Variants in EFCAB6 observed in about 807,000 individuals in gnomAD.
The protein encoded by EFCAB6 is EF-hand calcium-binding domain-containing protein 6.
A neutral mutation model predicts 169.8 loss-of-function variants in EFCAB6; 156 were observed. The observed-to-expected ratio is 0.92, with a 90% CI of 0.81 to 1.05. The LOEUF (loss-of-function observed/expected upper bound fraction) is 1.05, where lower values mean the gene tolerates loss of function less well. Ranked by LOEUF, EFCAB6 falls within the 50% of genes least tolerant of loss-of-function variation. The pLI is 0.00. For synonymous variants in EFCAB6, 698 were observed against 676.4 expected (o/e 1.03, Z -0.50); for missense variants, 1,800 against 1,829.1 (o/e 0.98, Z 0.29).
At chr22:43,794,151 G>A (rs1365640819) in intron 2 of EFCAB6, among the ~76,000 whole-genome samples, 1 of 152,092 alleles carries the variant, frequency 6.6e-6, no homozygotes, top group East Asian at 1.9e-4. Context: ...ATAAGTATGA[G>A]TTTATAGGTT....
rs751278176 is a variant in EFCAB6, at chr22:43,755,851, AT to A, written c.441-20del. 1.3e-5 allele frequency: 20 copies of A among 1,568,278 alleles called. No homozygotes were observed. Among genetic ancestry groups the A allele is most frequent in the Non-Finnish European group, 1.5e-5 (17 of 1,159,194 alleles). ...ACCTCCCCTTAGAAATAAAAAAAAA[AT>A]CTTTATTAAAACATTTTAACCAAAT... On this transcript the variant is annotated intron_variant, in intron 5 of 31. Transcript: ENST00000262726.
chr22:43,581,751 GA>G (rs2050741870), intron 24 of EFCAB6, among the ~76,000 whole-genome samples: 1 of 152,190 alleles, frequency 6.6e-6, no homozygotes, highest in Admixed American at 6.5e-5. Flanking sequence ...GATGAGCCAA[GA>G]GCTGAGCTTT....
At chr22:43,547,192 A>T (rs913018133) in intron 27 of EFCAB6, among the ~76,000 whole-genome samples, 1 of 152,214 alleles carries the variant, frequency 6.6e-6, no homozygotes, top group Non-Finnish European at 1.5e-5. Context: ...GGGCAACTCA[A>T]TGTCATGTGC....
In EFCAB6 at chr22:43,580,457, G is replaced by T. The variant is rs1569193202; in HGVS notation, c.3228+7C>A. ...TTTCACAGTAAAGCACTTTCAGCCTGTCATACCGTGGACAAAGCCAGCTGG... is the reference window on the plus strand; with the variant it reads ...TTTCACAGTAAAGCACTTTCAGCCTTTCATACCGTGGACAAAGCCAGCTGG... On this transcript the variant is annotated splice_region_variant and intron_variant, in intron 25 of 31. Transcript: ENST00000262726. The T allele has an allele frequency of 6.2e-7, 1 of 1,613,808 alleles. No individual in the cohort carries two copies. The highest frequency in any genetic ancestry group is 8.5e-7 in the Non-Finnish European group (1 of 1,179,884).
chr22:43,773,214 C>T (rs2061535977), intron 3 of EFCAB6, 111 bp from the exon 4 acceptor site: 1 of 1,042,814 alleles, frequency 9.6e-7, no homozygotes. Context: ...GTATTTCTCC[C>T]ACCATATCTA....
intron 20 of EFCAB6, among the ~76,000 whole-genome samples, chr22:43,618,167 A>AAGGAAGGAAGGAAGGAAGGAAGG (rs1602644411): frequency 1.3e-5 from 1 of 79,844 alleles, no homozygotes. Flanking sequence ...GGAAGGAAGG[A>AAGGAAGGAAGGAAGGAAGGAAGG]AAGAAAGAAA....
chr22:43,591,458 T>TAAAA (rs35033134), intron 23 of EFCAB6, among the ~76,000 whole-genome samples: 2 of 84,948 alleles, frequency 2.4e-5, no homozygotes, highest in Non-Finnish European at 5.1e-5. Flanking sequence ...CTCTGTCTTA[T>TAAAA]AAAAAAAAAA....
At chr22:43,651,529 A>C (rs994629862) in intron 17 of EFCAB6, among the ~76,000 whole-genome samples, 8 of 152,248 alleles carry the variant, frequency 5.3e-5, no homozygotes, top group African/African-American at 1.9e-4. Context: ...ATGTGGGGGC[A>C]GGGCCCCCAC....
At chr22:43,659,323 T>C (rs918409122) in intron 17 of EFCAB6, among the ~76,000 whole-genome samples, 2 of 152,178 alleles carry the variant, frequency 1.3e-5, no homozygotes, top group African/African-American at 4.8e-5. Context: ...GATTTACAAC[T>C]AGAGGAATAC....
At position 43,643,690 on chromosome 22, in the gene EFCAB6, C is replaced by T. The variant is rs151176892; in HGVS notation, c.1984-8474G>A. ...CCTGGCACCGTCCACAGAGGACACA[C>T]TAGGTTTGTTTCTTCACCAACTGTT... On this transcript the variant is annotated intron_variant, in intron 17 of 31. Coordinates refer to ENST00000262726, the MANE Select transcript of EFCAB6 (RefSeq NM_022785.4). Among the ~76,000 whole-genome samples the T allele has an allele frequency of 7.3e-4, 111 of 152,340 alleles. 1 individual carries two copies. The highest frequency in any genetic ancestry group is 2.6e-3 in the African/African-American group (109 of 41,588).
At chr22:43,557,528 T>A (rs369213512) in intron 26 of EFCAB6, among the ~76,000 whole-genome samples, 42 of 152,272 alleles carry the variant, frequency 2.8e-4, no homozygotes, top group African/African-American at 1.0e-3. Flanking sequence ...AAAAAGGCTG[T>A]TAAAAGATCT....
intron 17 of EFCAB6, among the ~76,000 whole-genome samples, chr22:43,657,937 A>T (rs2056824693): frequency 6.6e-6 from 1 of 152,164 alleles, no homozygotes. Flanking sequence ...ATCTTTTCAA[A>T]GGCATCTAAG....
At chr22:43,688,249 A>G (rs1199082966) in intron 10 of EFCAB6, among the ~76,000 whole-genome samples, 1 of 152,172 alleles carries the variant, frequency 6.6e-6, no homozygotes, top group African/African-American at 2.4e-5. Flanking sequence ...GATTCCCCAG[A>G]AGGAAAAAAG....
chr22:43,740,017 C>G (rs1476158350), intron 6 of EFCAB6, among the ~76,000 whole-genome samples: 2 of 151,328 alleles, frequency 1.3e-5, no homozygotes, highest in Non-Finnish European at 2.9e-5. Context: ...TGCCCCCCAC[C>G]TGCTGCTTTC....
chr22:43,548,847 C>CTA (rs2048228164), intron 27 of EFCAB6, among the ~76,000 whole-genome samples: 2 of 152,256 alleles, frequency 1.3e-5, no homozygotes, highest in South Asian at 4.2e-4. Context: ...GCTATGCATA[C>CTA]TATCCATCCA....
intron 19 of EFCAB6, among the ~76,000 whole-genome samples, 157 bp downstream of exon 19, chr22:43,631,948 C>G (rs537742161): frequency 6.6e-6 from 1 of 150,726 alleles, no homozygotes; most frequent in South Asian, 2.1e-4. Flanking sequence ...TCCCCACATG[C>G]CTCTCCCTGA....
At chr22:43,609,071 T>G (rs1569241069) in intron 21 of EFCAB6, among the ~76,000 whole-genome samples, 1 of 152,206 alleles carries the variant, frequency 6.6e-6, no homozygotes, top group South Asian at 2.1e-4. Flanking sequence ...GTCAGGCATA[T>G]AAGAGGACCA....
rs140051719 is a variant in EFCAB6 at position 43,672,072 on chromosome 22, C to T, written c.1541G>A (p.Arg514His). 24 of 1,614,020 alleles carry T rather than the reference C, an allele frequency of 1.5e-5. No individual in the cohort carries two copies. The highest frequency in any genetic ancestry group is 1.9e-5 in the Non-Finnish European group (22 of 1,180,004). Residue 514 changes from arginine (R) to histidine (H), a missense_variant, in exon 15 of 32, where the codon CGC becomes CAC. Transcript: ENST00000262726. ...RNLQAFYNML[R>H]SYDLGDTGRI... ...CCCTGTGTCTCCAAGGTCATATGAG[C>T]GTAGCATGTTATAAAAAGCTTGTAG...
rs62226984 is a variant in EFCAB6 at position 43,588,929 on chromosome 22, A to G, written c.3032+1145T>C. Among the ~76,000 whole-genome samples the G allele has an allele frequency of 3.4e-3, 518 of 152,316 alleles. 3 individuals carry two copies. Among genetic ancestry groups the G allele is most frequent in the Non-Finnish European group, 6.1e-3 (416 of 68,030 alleles). ...GGAGCAAACCAAAACTGACGCAGCAATACGATAGGCATGTGGCATGCGGAG... is the reference window on the plus strand; with the variant it reads ...GGAGCAAACCAAAACTGACGCAGCAGTACGATAGGCATGTGGCATGCGGAG... On this transcript the variant is annotated intron_variant, in intron 24 of 31. Coordinates refer to ENST00000262726, the MANE Select transcript of EFCAB6 (RefSeq NM_022785.4).
Sources: gnomAD v4.1 joint callset for allele counts (sites outside exome capture counted in the v4.1 genomes callset) on GRCh38, gnomAD v4.1.1 for gene constraint, MANE v1.5 for transcripts, NCBI Gene and HGNC (gene_info 2026-07-23, HGNC 2026-07-21) for gene names.